Variants in MARCHF1 observed in about 807,000 individuals in gnomAD.
MARCHF1 encodes membrane associated ring-CH-type finger 1.
In MARCHF1, 40 loss-of-function variants were observed where a neutral mutation model predicts 54.2. The observed-to-expected ratio is 0.74, with a 90% CI of 0.57 to 0.96. MARCHF1 has a LOEUF of 0.96. MARCHF1 is among the 40% of genes least tolerant of loss of function. The pLI is 0.00. For missense variants in MARCHF1, 586 were observed against 656.5 expected (o/e 0.89, Z 1.17); for synonymous variants, 236 against 236.3 (o/e 1.00, Z 0.01).
intron 4 of MARCHF1, among the ~76,000 whole-genome samples, chr4:163,821,126 T>C (rs117341672): frequency 6.6e-6 from 1 of 152,158 alleles, no homozygotes; most frequent in East Asian, 1.9e-4. Flanking sequence ...CTTTAATCTT[T>C]GCTTATAGTA....
intron 3 of MARCHF1, among the ~76,000 whole-genome samples, chr4:163,904,110 A>G (rs1206200767): frequency 6.6e-6 from 1 of 152,172 alleles, no homozygotes; most frequent in Non-Finnish European, 1.5e-5. Context: ...ACTGTGACTA[A>G]TAATATTCCA....
At chr4:164,351,913 T>C (rs1445782865) in intron 1 of MARCHF1, among the ~76,000 whole-genome samples, 27 of 150,506 alleles carry the variant, frequency 1.8e-4, no homozygotes, top group Non-Finnish European at 5.9e-5. Context: ...GACAAGTGCT[T>C]AAAGGAGCTG....
At chr4:164,162,750 G>C (rs1376579982) in intron 1 of MARCHF1, among the ~76,000 whole-genome samples, 1 of 152,054 alleles carries the variant, frequency 6.6e-6, no homozygotes, top group Non-Finnish European at 1.5e-5. Context: ...CAAAATAGAT[G>C]AAAGACTCAA....
intron 2 of MARCHF1, among the ~76,000 whole-genome samples, chr4:164,054,417 A>C (rs1187493909): frequency 1.3e-5 from 2 of 151,724 alleles, no homozygotes; most frequent in Non-Finnish European, 3.0e-5. Flanking sequence ...CAGCCATCCC[A>C]TTACTGGGTA....
chr4:163,721,924 C>T (rs144211133), intron 4 of MARCHF1, among the ~76,000 whole-genome samples: 3,788 of 151,830 alleles, frequency 0.025, 178 homozygotes, highest in African/African-American at 0.086. Flanking sequence ...CTCTCTTTTC[C>T]TCTTTATTAG....
intron 1 of MARCHF1, among the ~76,000 whole-genome samples, chr4:164,167,789 A>G (rs547786437): frequency 6.6e-6 from 1 of 152,040 alleles, no homozygotes; most frequent in South Asian, 2.1e-4. Context: ...TTGATAAAAG[A>G]CATAAATATA....
chr4:164,306,477 A>AAAATG (rs1734696851), intron 1 of MARCHF1, among the ~76,000 whole-genome samples: 1 of 152,100 alleles, frequency 6.6e-6, no homozygotes. Context: ...TCTTGCTCAA[A>AAAATG]ATTCAACTTC....
rs546191792 is a variant in MARCHF1 at position 164,273,198 on chromosome 4, A to G, written c.-323+110672T>C. 3.0e-4 allele frequency among the ~76,000 whole-genome samples: 45 copies of G among 152,278 alleles called. 1 individual carries two copies. In the South Asian group the frequency reaches 9.1e-3, roughly 31 times the overall value. ...AGTTCAGTACAGCTTGGGAGGCCAC[A>G]GGAAATCTACAATCATGGCGGAAGA... On this transcript the variant is annotated intron_variant, in intron 1 of 9. Transcript: ENST00000514618.
intron 1 of MARCHF1, among the ~76,000 whole-genome samples, chr4:164,227,770 C>A (rs975323270): frequency 2.0e-5 from 3 of 151,964 alleles, no homozygotes; most frequent in Non-Finnish European, 2.9e-5. Flanking sequence ...ACTCCCTTTG[C>A]CAAAGGTCTG....
intron 4 of MARCHF1, among the ~76,000 whole-genome samples, chr4:163,785,107 A>G (rs1322342306): frequency 1.3e-5 from 2 of 152,150 alleles, no homozygotes; most frequent in African/African-American, 2.4e-5. Flanking sequence ...ATCTTAAATA[A>G]TATACACTAA....
chr4:164,374,850 G>T (rs1207947484), intron 1 of MARCHF1, among the ~76,000 whole-genome samples: 1 of 152,014 alleles, frequency 6.6e-6, no homozygotes, highest in Non-Finnish European at 1.5e-5. Flanking sequence ...AAAAGATTAA[G>T]TTTAAACATA....
intron 5 of MARCHF1, among the ~76,000 whole-genome samples, chr4:163,678,951 G>T (rs1439492181): frequency 6.6e-6 from 1 of 152,080 alleles, no homozygotes; most frequent in African/African-American, 2.4e-5. Flanking sequence ...TTCCATACCT[G>T]CCCTGATTTC....
intron 8 of MARCHF1, among the ~76,000 whole-genome samples, chr4:163,568,858 A>G (rs1374588429): frequency 1.3e-5 from 2 of 152,104 alleles, no homozygotes; most frequent in East Asian, 3.9e-4. Context: ...AGAATCCCAC[A>G]ATGAACTGCA....
At chr4:164,328,586 A>G (rs1052512600) in intron 1 of MARCHF1, among the ~76,000 whole-genome samples, 3 of 151,734 alleles carry the variant, frequency 2.0e-5, no homozygotes, top group Non-Finnish European at 2.9e-5. Context: ...CTGGAGTGCA[A>G]TGGTGCAATC....
chr4:164,065,231 G>T (rs1022916656), intron 2 of MARCHF1, among the ~76,000 whole-genome samples: 2 of 152,158 alleles, frequency 1.3e-5, no homozygotes, highest in African/African-American at 4.8e-5. Flanking sequence ...AATGGTACTA[G>T]TTCCTCTTTG....
chr4:163,561,774 CTATTA>C (rs1405003481), intron 8 of MARCHF1, among the ~76,000 whole-genome samples: 1 of 151,890 alleles, frequency 6.6e-6, no homozygotes, highest in Non-Finnish European at 1.5e-5. Context: ...TTTCTGTTTC[CTATTA>C]TATGTTTTCC....
intron 1 of MARCHF1, among the ~76,000 whole-genome samples, chr4:164,309,698 A>G (rs1355599685): frequency 6.6e-6 from 1 of 152,168 alleles, no homozygotes; most frequent in Non-Finnish European, 1.5e-5. Context: ...GTAACCAACA[A>G]ATAATTAGTT....
chr4:163,864,073 G>C lies in MARCHF1; in HGVS notation c.-38-9904C>G, dbSNP rs78875692. 8.3e-3 allele frequency among the ~76,000 whole-genome samples: 1,256 copies of C among 152,100 alleles called. 10 individuals are homozygous for C. The highest frequency in any genetic ancestry group is 0.013 in the Non-Finnish European group (869 of 67,914). Reference sequence around the variant, plus strand: ...GAGGAGAAAGACAGTCTCTTGTGCAGAACTGTCATTTCTCTGCTCAAAAGT... The same window carrying C: ...GAGGAGAAAGACAGTCTCTTGTGCACAACTGTCATTTCTCTGCTCAAAAGT... On this transcript the variant is annotated intron_variant, in intron 3 of 9. Coordinates refer to ENST00000514618, the MANE Select transcript of MARCHF1 (RefSeq NM_001394959.1).
At chr4:163,761,860 A>G (rs1746836180) in intron 4 of MARCHF1, among the ~76,000 whole-genome samples, 2 of 152,208 alleles carry the variant, frequency 1.3e-5, no homozygotes, top group African/African-American at 4.8e-5. Context: ...TGAGTATTGA[A>G]TGTATTTGTT....
Sources: gnomAD v4.1 joint callset for allele counts (sites outside exome capture counted in the v4.1 genomes callset) on GRCh38, gnomAD v4.1.1 for gene constraint, MANE v1.5 for transcripts, NCBI Gene and HGNC (gene_info 2026-07-23, HGNC 2026-07-21) for gene names.